The following NFIA variants were observed in gnomAD, a reference collection of about 807,000 sequenced individuals.
NFIA encodes nuclear factor I A.
A neutral mutation model predicts 62.8 loss-of-function variants in NFIA; 8 were observed. The observed-to-expected ratio is 0.13, with a 90% CI of 0.07 to 0.23. NFIA has a LOEUF of 0.23. Ranked by LOEUF, NFIA falls within the 10% of genes least tolerant of loss-of-function variation. The probability of loss-of-function intolerance (pLI) is 1.00; values close to 1 mark genes in which losing one functional copy is unlikely to be tolerated. For missense variants in NFIA, 410 were observed against 642.1 expected, an observed-to-expected ratio of 0.64 and a Z score of 3.91; for synonymous variants, 235 against 238.1, an observed-to-expected ratio of 0.99 and a Z score of 0.12.
chr1:61,453,768 A>T (rs1668179139), intron 10 of NFIA, among the ~76,000 whole-genome samples: 1 of 152,182 alleles, frequency 6.6e-6, no homozygotes, highest in Admixed American at 6.5e-5. Flanking sequence ...GAGGCCTACT[A>T]GAAACACAGT....
intron 2 of NFIA, among the ~76,000 whole-genome samples, chr1:61,162,817 CTT>C (rs1188371490): frequency 3.5e-4 from 48 of 138,430 alleles, no homozygotes; most frequent in Non-Finnish European, 4.6e-4. Context: ...CTCTTTCAAC[CTT>C]TTTTTTTTTT....
At chr1:61,130,777 A>G (rs1647059098) in intron 2 of NFIA, among the ~76,000 whole-genome samples, 1 of 152,174 alleles carries the variant, frequency 6.6e-6, no homozygotes, top group African/African-American at 2.4e-5. Flanking sequence ...AAGAAAATGA[A>G]TCTTTTATGT....
chr1:61,081,910 T>A (rs536299005), upstream of NFIA: 28 of 1,548,154 alleles, frequency 1.8e-5, no homozygotes, highest in East Asian at 6.6e-4. Flanking sequence ...AAAAGTTACC[T>A]AGGAGGTCTG....
rs186704765 is a variant in NFIA at position 61,409,276 on chromosome 1, G to A, written c.1420+2549G>A. Among the ~76,000 whole-genome samples the A allele has an allele frequency of 1.9e-4, 29 of 152,292 alleles. No homozygotes were observed. The East Asian group carries it at 2.5e-3, about 13-fold the overall frequency. On this transcript the variant is annotated intron_variant, in intron 9 of 10. Coordinates refer to ENST00000403491, the MANE Select transcript of NFIA (RefSeq NM_001134673.4). The stretch of plus-strand genomic sequence containing the variant: ...TATAGACAAAACAAAATGTTCTACC[G>A]ATGACACAGAAAGGTTTTTATCATC...
chr1:61,403,359 T>A (rs1665662112), intron 7 of NFIA, among the ~76,000 whole-genome samples: 1 of 152,234 alleles, frequency 6.6e-6, no homozygotes, highest in Non-Finnish European at 1.5e-5. Context: ...AATCTTCTTG[T>A]TCACATGAAA....
rs1422783168 is a variant in NFIA, at chr1:61,455,481, T to C, written c.*161T>C. 8.5e-7 allele frequency: 1 copy of C among 1,174,854 alleles called. No homozygotes were observed. The highest frequency in any genetic ancestry group is 1.6e-5 in the African/African-American group (1 of 64,048). The allele number at this position is 1,174,854 out of a possible 1,614,324, so 72.8% of individuals were successfully genotyped here. A position where few individuals can be genotyped will look rare whatever the true frequency, so the allele number is the denominator to read the frequency against. ...TTGTACATGGAAACAGCAAGCATTA[T>C]GGTCAAACAGCAAAGGCCATAACCT... On this transcript the variant is annotated 3_prime_UTR_variant, in exon 11 of 11. Transcript: ENST00000403491.
chr1:61,321,481 C>T (rs948287239), intron 3 of NFIA, among the ~76,000 whole-genome samples: 1 of 151,528 alleles, frequency 6.6e-6, no homozygotes, highest in African/African-American at 2.4e-5. Flanking sequence ...GGATATTTAG[C>T]CTGGAAGAGA....
At chr1:61,149,788 G>C (rs563972928) in intron 2 of NFIA, among the ~76,000 whole-genome samples, 1 of 152,236 alleles carries the variant, frequency 6.6e-6, no homozygotes, top group South Asian at 2.1e-4. Context: ...AGGATGGCTT[G>C]ATGATGAGAA....
intron 2 of NFIA, among the ~76,000 whole-genome samples, chr1:61,114,280 T>C (rs1339202176): frequency 6.6e-6 from 1 of 151,826 alleles, no homozygotes; most frequent in African/African-American, 2.4e-5. Flanking sequence ...AGAAAAAAAA[T>C]GAACATTCTA....
intron 2 of NFIA, among the ~76,000 whole-genome samples, chr1:61,128,143 GT>G (rs1441081091): frequency 6.6e-6 from 1 of 151,952 alleles, no homozygotes; most frequent in East Asian, 1.9e-4. Context: ...TAGACGTGGA[GT>G]CCCCCTATGT....
chr1:61,384,188 C>T (rs1289797834), intron 7 of NFIA, among the ~76,000 whole-genome samples: 2 of 152,118 alleles, frequency 1.3e-5, no homozygotes, highest in Non-Finnish European at 2.9e-5. Flanking sequence ...GGTCTGTGAC[C>T]TACCAGCTGG....
chr1:61,133,637 C>A (rs1647122239), intron 2 of NFIA, among the ~76,000 whole-genome samples: 1 of 152,144 alleles, frequency 6.6e-6, no homozygotes, highest in South Asian at 2.1e-4. Context: ...TCCATCACTG[C>A]CATTAATCAA....
chr1:61,217,753 C>G (rs1298264412), intron 2 of NFIA, among the ~76,000 whole-genome samples: 2 of 152,216 alleles, frequency 1.3e-5, no homozygotes, highest in Non-Finnish European at 2.9e-5. Context: ...GAATAAACCT[C>G]ATTTCAGTGG....
At chr1:61,354,362 C>T (rs1485832036) in intron 5 of NFIA, among the ~76,000 whole-genome samples, 1 of 152,022 alleles carries the variant, frequency 6.6e-6, no homozygotes, top group Non-Finnish European at 1.5e-5. Context: ...AAAGTGTGCC[C>T]AGAAGAATAT....
chr1:61,455,208 A>G, intron 10 of NFIA, 95 bp from the exon 11 acceptor site: 2 of 1,304,142 alleles, frequency 1.5e-6, no homozygotes, highest in Non-Finnish European at 2.2e-6. Flanking sequence ...CGCATCCCTA[A>G]CGTAGATCCT....
chr1:61,343,764 T>G (rs992757427), intron 4 of NFIA, among the ~76,000 whole-genome samples: 1 of 152,238 alleles, frequency 6.6e-6, no homozygotes, highest in Non-Finnish European at 1.5e-5. Flanking sequence ...TGCTGAAGAC[T>G]GTGGCGTAGA....
chr1:61,126,622 AG>A (rs1259242362), intron 2 of NFIA, among the ~76,000 whole-genome samples: 1 of 152,132 alleles, frequency 6.6e-6, no homozygotes, highest in African/African-American at 2.4e-5. Context: ...GCCAATTGTT[AG>A]TATGCCATCA....
chr1:61,088,347 C>G lies in NFIA; in HGVS notation c.226C>G (p.Leu76Val). 1 of 1,613,596 alleles carries G rather than the reference C, an allele frequency of 6.2e-7. No homozygotes were observed. The highest frequency in any genetic ancestry group is 1.3e-5 in the African/African-American group (1 of 74,886). Residue 76 changes from leucine to valine, a missense_variant, in exon 2 of 11, where the codon CTG becomes GTG. Transcript: ENST00000403491. This position sits in a 1 kb window ranked among gnomAD's most constrained non-coding sequence, Gnocchi z 4.5. ...CAAGCAGAAGTGGGCATCTCGACTT[C>G]TGGCAAAGTTGCGGAAAGATATCCG... is the stretch of plus-strand genomic sequence containing the variant. ...EVKQKWASRL[L>V]AKLRKDIRPE...
At chr1:61,404,009 G>A (rs997518029) in intron 7 of NFIA, 95 bp from the exon 8 acceptor site, 5 of 1,406,274 alleles carry the variant, frequency 3.6e-6, no homozygotes, top group African/African-American at 1.4e-5. Context: ...TGTGAATCGG[G>A]CCAGGAAGAG....
Sources: allele counts gnomAD v4.1 joint callset (sites outside exome capture counted in the v4.1 genomes callset), GRCh38; gene constraint gnomAD v4.1.1; non-coding constraint Gnocchi (gnomAD v3.1); transcripts MANE v1.5; gene names NCBI Gene and HGNC (gene_info 2026-07-23, HGNC 2026-07-21).